The following GRM5 variants were observed in gnomAD, a reference collection of about 807,000 sequenced individuals.
The protein encoded by GRM5 is glutamate metabotropic receptor 5.
Under a neutral mutation model 83.1 loss-of-function variants are expected in GRM5, and 19 were observed. That is an observed-to-expected ratio of 0.23 (90% CI 0.16 to 0.34). GRM5 has a LOEUF of 0.34. GRM5 is among the 10% of genes least tolerant of loss of function. The probability of loss-of-function intolerance (pLI) is 1.00; values close to 1 mark genes in which losing one functional copy is unlikely to be tolerated. For missense variants in GRM5, 1,160 were observed against 1,588.3 expected (o/e 0.73, Z 4.58); for synonymous variants, 675 against 633.6 (o/e 1.07, Z -0.98).
chr11:89,026,603 T>C (rs1162089164), intron 2 of GRM5, among the ~76,000 whole-genome samples: 1 of 152,196 alleles, frequency 6.6e-6, no homozygotes, highest in African/African-American at 2.4e-5. Flanking sequence ...AAGACAATTA[T>C]ATCTGCATTG....
At position 89,057,789 on chromosome 11, in the gene GRM5, G is replaced by A. The variant is rs565626561; in HGVS notation, c.-201+7987C>T. ...TACATATCATTAAATGCTTGAGACC[G>A]TGGTTTTACATTTCTATAACATGAT... On this transcript the variant is annotated intron_variant, in intron 1 of 9. Coordinates refer to ENST00000305447, the MANE Select transcript of GRM5 (RefSeq NM_001143831.3). Among the ~76,000 whole-genome samples, 22 of 152,090 alleles carry A rather than the reference G, an allele frequency of 1.4e-4. No individual in the cohort carries two copies. The South Asian group carries it at 1.9e-3, about 13-fold the overall frequency.
At chr11:89,065,315 C>CACACAG (rs1725796418) in intron 1 of GRM5, among the ~76,000 whole-genome samples, 1 of 145,146 alleles carries the variant, frequency 6.9e-6, no homozygotes. Flanking sequence ...CACACACAGA[C>CACACAG]AGAGGGAGAG....
chr11:88,889,220 T>A (rs1945096618), intron 2 of GRM5, among the ~76,000 whole-genome samples: 1 of 152,164 alleles, frequency 6.6e-6, no homozygotes, highest in African/African-American at 2.4e-5. Flanking sequence ...CTTGGTCTAG[T>A]ACCCAGGCAA....
intron 2 of GRM5, among the ~76,000 whole-genome samples, chr11:88,888,542 C>T (rs1945084484): frequency 6.6e-6 from 1 of 152,080 alleles, no homozygotes; most frequent in African/African-American, 2.4e-5. Flanking sequence ...AGTTAATTTA[C>T]CCAAACCTTA....
intron 2 of GRM5, among the ~76,000 whole-genome samples, chr11:88,952,125 A>AC (rs1565307103): frequency 1.5e-4 from 23 of 151,122 alleles, no homozygotes; most frequent in African/African-American, 5.4e-4. Flanking sequence ...CATACAAACA[A>AC]ACACACACAC....
chr11:88,634,512 T>A (rs1291103904), intron 4 of GRM5, among the ~76,000 whole-genome samples: 1 of 152,152 alleles, frequency 6.6e-6, no homozygotes, highest in Non-Finnish European at 1.5e-5. Flanking sequence ...CTACACACAT[T>A]AGCCTAGGCA....
chr11:88,758,923 T>C (rs1942451905), intron 3 of GRM5, among the ~76,000 whole-genome samples: 1 of 151,604 alleles, frequency 6.6e-6, no homozygotes, highest in Admixed American at 6.6e-5. Flanking sequence ...CCAGAAGAGA[T>C]TGAAGCCAAC....
chr11:88,788,181 T>C (rs1453452745), intron 3 of GRM5, among the ~76,000 whole-genome samples: 10 of 152,172 alleles, frequency 6.6e-5, no homozygotes, highest in Non-Finnish European at 2.9e-5. Flanking sequence ...GCATATAAAT[T>C]GTTAGCTCCA....
chr11:88,647,873 CATT>C (rs1939507880), intron 4 of GRM5, among the ~76,000 whole-genome samples: 1 of 151,992 alleles, frequency 6.6e-6, no homozygotes, highest in Non-Finnish European at 1.5e-5. Flanking sequence ...CAAAAGAAGA[CATT>C]TATGCAGCCA....
At chr11:88,658,867 G>C (rs1259451334) in intron 3 of GRM5, among the ~76,000 whole-genome samples, 1 of 152,166 alleles carries the variant, frequency 6.6e-6, no homozygotes, top group Non-Finnish European at 1.5e-5. Context: ...GTGTTCTTTT[G>C]TGCCATCCTA....
chr11:88,544,844 C>T lies in GRM5; in HGVS notation c.2631-19440G>A, dbSNP rs529302119. Among the ~76,000 whole-genome samples the T allele has an allele frequency of 1.1e-4, 17 of 152,320 alleles. No homozygotes were observed. The East Asian group carries it at 2.5e-3, about 22-fold the overall frequency. On this transcript the variant is annotated intron_variant, in intron 8 of 9. Coordinates refer to ENST00000305447, the MANE Select transcript of GRM5 (RefSeq NM_001143831.3). Reference sequence around the variant, plus strand: ...AGGGTCTCAGTGCTCTTGGTACCAACGAAATCCTTGGCTATGAGTATCACA... The same window carrying T: ...AGGGTCTCAGTGCTCTTGGTACCAATGAAATCCTTGGCTATGAGTATCACA...
intron 8 of GRM5, among the ~76,000 whole-genome samples, chr11:88,540,560 A>C (rs993487793): frequency 6.6e-6 from 1 of 152,042 alleles, no homozygotes; most frequent in African/African-American, 2.4e-5. Flanking sequence ...GCAGTTCTGG[A>C]AAGTCCTGGG....
chr11:88,563,203 A>C (rs969172834), intron 8 of GRM5, among the ~76,000 whole-genome samples: 2 of 152,204 alleles, frequency 1.3e-5, no homozygotes, highest in African/African-American at 4.8e-5. Flanking sequence ...AATAGGAATT[A>C]TTATCTACCA....
chr11:88,699,105 C>CAA (rs33935610), intron 3 of GRM5, among the ~76,000 whole-genome samples: 1 of 6,702 alleles, frequency 1.5e-4, no homozygotes, highest in African/African-American at 1.6e-4. Flanking sequence ...AAAAACAAAA[C>CAA]AAAAAAAAAA....
chr11:88,685,947 G>C (rs1156274154), intron 3 of GRM5, among the ~76,000 whole-genome samples: 2 of 152,182 alleles, frequency 1.3e-5, no homozygotes, highest in East Asian at 3.9e-4. Flanking sequence ...AGAAATTTGG[G>C]GTTGGAGCCC....
In GRM5 at chr11:89,040,795, GAGA is replaced by G. The variant is rs546765621; in HGVS notation, c.661+6414_661+6416del. On this transcript the variant is annotated intron_variant, in intron 2 of 9. Transcript: ENST00000305447. ...GTTATAAAGGAAGGTAGGAAGGAAA[GAGA>G]AGGAGGATGGAAGAAAAGGAGGAGG... Among the ~76,000 whole-genome samples, 577 of 152,140 alleles carry G rather than the reference GAGA, an allele frequency of 3.8e-3. 2 individuals are homozygous for G. The highest frequency in any genetic ancestry group is 0.013 in the African/African-American group (540 of 41,522).
chr11:88,823,474 A>G (rs1345526446), intron 3 of GRM5, among the ~76,000 whole-genome samples: 2 of 151,762 alleles, frequency 1.3e-5, no homozygotes, highest in Non-Finnish European at 2.9e-5. Flanking sequence ...AGTTTTCCTC[A>G]GATGTACTAG....
intron 2 of GRM5, among the ~76,000 whole-genome samples, chr11:88,956,332 G>C (rs896215441): frequency 6.6e-6 from 1 of 152,206 alleles, no homozygotes; most frequent in African/African-American, 2.4e-5. Flanking sequence ...ATGGTACACT[G>C]ATTCTAATTA....
At chr11:88,745,713 C>T (rs1182757405) in intron 3 of GRM5, among the ~76,000 whole-genome samples, 1 of 152,192 alleles carries the variant, frequency 6.6e-6, no homozygotes. Flanking sequence ...CAGTGTGAGA[C>T]CTCACAGATT....
Sources: allele counts gnomAD v4.1 joint callset (sites outside exome capture counted in the v4.1 genomes callset), GRCh38; gene constraint gnomAD v4.1.1; transcripts MANE v1.5; gene names NCBI Gene and HGNC (gene_info 2026-07-23, HGNC 2026-07-21).